The following ARHGAP15 variants were observed in gnomAD, a reference collection of about 807,000 sequenced individuals.
ARHGAP15 encodes Rho GTPase activating protein 15.
In ARHGAP15, 51 loss-of-function variants were observed where a neutral mutation model predicts 63.7. The observed-to-expected ratio is 0.80, with a 90% confidence interval of 0.64 to 1.01. ARHGAP15 has a LOEUF of 1.01. ARHGAP15 is among the 50% of genes least tolerant of loss of function. ARHGAP15 has a pLI of 0.00. For missense variants in ARHGAP15, 560 were observed against 564.6 expected (o/e 0.99, Z 0.08); for synonymous variants, 191 against 193.8 (o/e 0.99, Z 0.12).
chr2:143,544,923 T>A (rs1695262282), intron 10 of ARHGAP15, among the ~76,000 whole-genome samples: 1 of 152,026 alleles, frequency 6.6e-6, no homozygotes, highest in Non-Finnish European at 1.5e-5. Flanking sequence ...ATCCTATTTG[T>A]GTTTCCTGAG....
At position 143,303,825 on chromosome 2, in the gene ARHGAP15, T is replaced by A. The variant is rs928157639; in HGVS notation, c.474+53225T>A. Among the ~76,000 whole-genome samples the A allele has an allele frequency of 2.0e-5, 3 of 152,154 alleles. No individual in the cohort carries two copies. In the East Asian group the frequency reaches 5.8e-4, roughly 29 times the overall value. On this transcript the variant is annotated intron_variant, in intron 6 of 13. Coordinates refer to ENST00000295095, the MANE Select transcript of ARHGAP15 (RefSeq NM_018460.4). ...AACAGACACTTCTCAAAAGAAGACA[T>A]TTATGCAGCCAACAGACACATGAAA...
intron 6 of ARHGAP15, among the ~76,000 whole-genome samples, chr2:143,258,384 A>G (rs1460626277): frequency 1.3e-5 from 2 of 152,176 alleles, no homozygotes; most frequent in Non-Finnish European, 2.9e-5. Context: ...CAAAGCAAGC[A>G]TCCATAAACA....
At chr2:143,692,959 G>A (rs1683677914) in intron 12 of ARHGAP15, among the ~76,000 whole-genome samples, 1 of 152,084 alleles carries the variant, frequency 6.6e-6, no homozygotes, top group Non-Finnish European at 1.5e-5. Flanking sequence ...AGTCATTTGA[G>A]AAAAATATTG....
chr2:143,671,548 T>C (rs1682526473), intron 12 of ARHGAP15, among the ~76,000 whole-genome samples: 1 of 152,192 alleles, frequency 6.6e-6, no homozygotes, highest in Non-Finnish European at 1.5e-5. Context: ...TTTAGTGTGA[T>C]TAAGCAAATA....
At chr2:143,529,960 G>T (rs1468905837) in intron 10 of ARHGAP15, among the ~76,000 whole-genome samples, 1 of 151,958 alleles carries the variant, frequency 6.6e-6, no homozygotes, top group African/African-American at 2.4e-5. Flanking sequence ...GGATCACCCC[G>T]TCCCCACAGT....
intron 2 of ARHGAP15, among the ~76,000 whole-genome samples, chr2:143,170,505 G>A (rs945163420): frequency 2.6e-5 from 4 of 152,028 alleles, no homozygotes; most frequent in South Asian, 2.1e-4. Flanking sequence ...TCAAGCTTTC[G>A]ACATGCTGGG....
chr2:143,700,314 C>T (rs757155156), intron 12 of ARHGAP15, among the ~76,000 whole-genome samples: 36 of 152,152 alleles, frequency 2.4e-4, no homozygotes, highest in African/African-American at 7.7e-4. Context: ...AATTAAGCAA[C>T]GGCCAATCTT....
At chr2:143,449,119 C>A (rs1189175641) in intron 8 of ARHGAP15, among the ~76,000 whole-genome samples, 4 of 152,062 alleles carry the variant, frequency 2.6e-5, no homozygotes, top group African/African-American at 9.7e-5. Context: ...CCAAGACTTA[C>A]ACTGCCTTGT....
chr2:143,585,485 T>C (rs2105155369), intron 11 of ARHGAP15, among the ~76,000 whole-genome samples: 1 of 152,204 alleles, frequency 6.6e-6, no homozygotes, highest in South Asian at 2.1e-4. Context: ...GAGAGATTGA[T>C]AGAGATGAAT....
At chr2:143,368,421 C>T (rs185186236) in intron 6 of ARHGAP15, among the ~76,000 whole-genome samples, 9 of 151,874 alleles carry the variant, frequency 5.9e-5, no homozygotes, top group African/African-American at 1.7e-4. Flanking sequence ...GAGAGAGGCA[C>T]GAAAGAAAAA....
chr2:143,383,327 C>T (rs1687135874), intron 6 of ARHGAP15, among the ~76,000 whole-genome samples: 1 of 152,094 alleles, frequency 6.6e-6, no homozygotes, highest in African/African-American at 2.4e-5. Flanking sequence ...AAGCAGATTT[C>T]TTGGCTCACT....
intron 6 of ARHGAP15, among the ~76,000 whole-genome samples, chr2:143,420,052 T>A (rs914041544): frequency 2.6e-5 from 4 of 152,160 alleles, no homozygotes; most frequent in Non-Finnish European, 5.9e-5. Flanking sequence ...TCACACTACA[T>A]GGCAATTGAC....
chr2:143,214,550 A>G (rs1692677151), intron 3 of ARHGAP15, among the ~76,000 whole-genome samples: 1 of 152,200 alleles, frequency 6.6e-6, no homozygotes. Context: ...CAAATACAAA[A>G]CAAAAAGGCA....
intron 11 of ARHGAP15, among the ~76,000 whole-genome samples, chr2:143,590,947 C>CTG (rs1388567484): frequency 6.6e-6 from 1 of 151,862 alleles, no homozygotes; most frequent in Non-Finnish European, 1.5e-5. Flanking sequence ...TCTTTGCTCT[C>CTG]TCTCTCTCTC....
intron 9 of ARHGAP15, among the ~76,000 whole-genome samples, chr2:143,490,790 T>C (rs1050389401): frequency 6.6e-6 from 1 of 152,028 alleles, no homozygotes; most frequent in Non-Finnish European, 1.5e-5. Flanking sequence ...CCACTGTTTT[T>C]TTGTTTGTTT....
chr2:143,212,640 C>T (rs917676214), intron 3 of ARHGAP15, among the ~76,000 whole-genome samples: 4 of 152,084 alleles, frequency 2.6e-5, no homozygotes, highest in East Asian at 1.9e-4. Context: ...ATGACTAGCA[C>T]GCTCAACTGG....
At chr2:143,670,987 G>T (rs1026777057) in intron 12 of ARHGAP15, among the ~76,000 whole-genome samples, 16 of 152,024 alleles carry the variant, frequency 1.1e-4, no homozygotes, top group Non-Finnish European at 2.4e-4. Context: ...TGTTCTTCTG[G>T]CTTTCATTAC....
intron 6 of ARHGAP15, among the ~76,000 whole-genome samples, chr2:143,352,985 T>G (rs1429948308): frequency 6.6e-6 from 1 of 152,224 alleles, no homozygotes; most frequent in Non-Finnish European, 1.5e-5. Context: ...CATGAAATTT[T>G]CTGATTTAGG....
At chr2:143,601,755 A>G (rs1241304292) in intron 11 of ARHGAP15, among the ~76,000 whole-genome samples, 1 of 152,184 alleles carries the variant, frequency 6.6e-6, no homozygotes, top group African/African-American at 2.4e-5. Context: ...TATGTAGCTT[A>G]ACTTGCATCT....
Sources: gnomAD v4.1 joint callset for allele counts (sites outside exome capture counted in the v4.1 genomes callset) on GRCh38, gnomAD v4.1.1 for gene constraint, MANE v1.5 for transcripts, NCBI Gene and HGNC (gene_info 2026-07-23, HGNC 2026-07-21) for gene names.